The following MYO1E variants were observed in gnomAD, a reference collection of about 807,000 sequenced individuals.
MYO1E encodes myosin IE.
MYO1E carries 68 observed loss-of-function variants against 151.1 expected under a neutral mutation model. That is an observed-to-expected ratio of 0.45 (90% CI 0.37 to 0.55). The LOEUF (loss-of-function observed/expected upper bound fraction) is 0.55, where lower values mean the gene tolerates loss of function less well. Ranked by LOEUF, MYO1E falls within the 20% of genes least tolerant of loss-of-function variation. MYO1E has a pLI of 0.00. For missense variants in MYO1E, 1,363 were observed against 1,389.3 expected, an observed-to-expected ratio of 0.98 and a Z score of 0.30; for synonymous variants, 601 against 501.7, an observed-to-expected ratio of 1.20 and a Z score of -2.64.
intron 7 of MYO1E, 121 bp downstream of exon 7, chr15:59,227,338 A>T (rs2079998221): frequency 2.5e-6 from 3 of 1,189,202 alleles, no homozygotes; most frequent in Non-Finnish European, 3.7e-6. Flanking sequence ...ATTGACTTGT[A>T]CATGGTATCA....
Position 59,210,321 on chromosome 15 carries a change from CAT to C in MYO1E, c.1362+191_1362+192del, listed in dbSNP as rs113418934. On this transcript the variant is annotated intron_variant, in intron 13 of 27. Coordinates refer to ENST00000288235, the MANE Select transcript of MYO1E (RefSeq NM_004998.4). The stretch of plus-strand genomic sequence containing the variant: ...TACATTGACATTTTACTCATATCCA[CAT>C]GTTCATATTTACTGCCAGAATAAAG... 0.098 allele frequency among the ~76,000 whole-genome samples: 14,881 copies of C among 152,138 alleles called. 993 individuals are homozygous for C. The highest frequency in any genetic ancestry group is 0.19 in the African/African-American group (7,991 of 41,464).
At chr15:59,343,118 T>C (rs2080774957) in intron 1 of MYO1E, among the ~76,000 whole-genome samples, 1 of 152,242 alleles carries the variant, frequency 6.6e-6, no homozygotes, top group Non-Finnish European at 1.5e-5. Flanking sequence ...TACCTTCAGA[T>C]GATTTCTCAT....
intron 14 of MYO1E, among the ~76,000 whole-genome samples, chr15:59,206,357 C>T (rs1336048431): frequency 1.3e-5 from 2 of 152,212 alleles, no homozygotes; most frequent in East Asian, 1.9e-4. Flanking sequence ...CAGCCGGCCC[C>T]TACCCTGCTG....
chr15:59,226,352 G>A (rs79025539), intron 7 of MYO1E, among the ~76,000 whole-genome samples: 1 of 152,012 alleles, frequency 6.6e-6, no homozygotes, highest in Non-Finnish European at 1.5e-5. Flanking sequence ...AACTAAACAC[G>A]AAATGAAACA....
chr15:59,234,164 G>C (rs1310625067), intron 5 of MYO1E, among the ~76,000 whole-genome samples: 4 of 151,918 alleles, frequency 2.6e-5, no homozygotes, highest in African/African-American at 9.7e-5. Context: ...TCTTTTCCCT[G>C]ATATGCTCAC....
At chr15:59,210,792 G>A (rs545525218) in intron 12 of MYO1E, among the ~76,000 whole-genome samples, 192 bp from the exon 13 acceptor site, 26 of 152,290 alleles carry the variant, frequency 1.7e-4, no homozygotes, top group African/African-American at 5.8e-4. Context: ...TGATTTTTAT[G>A]TTTAGTTTGA....
At chr15:59,364,804 T>A (rs972823740) in intron 1 of MYO1E, among the ~76,000 whole-genome samples, 1 of 151,596 alleles carries the variant, frequency 6.6e-6, no homozygotes, top group Non-Finnish European at 1.5e-5. Flanking sequence ...ACTCAGGAGG[T>A]TGAGGCAGGA....
At chr15:59,168,937 A>G (rs2079576676) in intron 22 of MYO1E, among the ~76,000 whole-genome samples, 1 of 152,184 alleles carries the variant, frequency 6.6e-6, no homozygotes, top group Non-Finnish European at 1.5e-5. Flanking sequence ...TTCATGCTCA[A>G]ATGTTTCAGT....
intron 1 of MYO1E, among the ~76,000 whole-genome samples, chr15:59,343,425 C>T (rs139876693): frequency 0.013 from 2,025 of 152,020 alleles, 45 homozygotes; most frequent in African/African-American, 0.045. Flanking sequence ...TCTGTTACTG[C>T]TTTTAGGATC....
intron 6 of MYO1E, 136 bp downstream of exon 6, chr15:59,231,566 A>G: frequency 1.1e-6 from 1 of 950,672 alleles, no homozygotes; most frequent in Middle Eastern, 2.1e-4. Flanking sequence ...TGCTATAGAA[A>G]ATGAAGGAAA....
At chr15:59,207,228 A>G in intron 14 of MYO1E, 1 of 1,614,160 alleles carries the variant, frequency 6.2e-7, no homozygotes, top group Non-Finnish European at 8.5e-7. Context: ...TGAGTGATGA[A>G]CTTGCCCTTG....
chr15:59,134,143 T>C lies in MYO1E; in HGVS notation c.*3237A>G, dbSNP rs1197106279. 6.6e-6 allele frequency: 1 copy of C among 152,316 alleles called. No individual in the cohort carries two copies. Among genetic ancestry groups the C allele is most frequent in the Non-Finnish European group, 1.5e-5 (1 of 68,122 alleles). 9.4% of individuals were successfully genotyped at this position (152,316 alleles called of 1,614,324 possible). A position where few individuals can be genotyped will look rare whatever the true frequency, so the allele number is the denominator to read the frequency against. ...GCCAGCAGAATATTGGTGGACATGG[T>C]GTGCACACAGGGCAGGTCCTTTAAG... On this transcript the variant is annotated 3_prime_UTR_variant, in exon 28 of 28. Coordinates refer to ENST00000288235, the MANE Select transcript of MYO1E (RefSeq NM_004998.4).
intron 1 of MYO1E, among the ~76,000 whole-genome samples, chr15:59,280,199 T>G (rs577876384): frequency 1.1e-4 from 17 of 152,248 alleles, no homozygotes; most frequent in African/African-American, 3.1e-4. Context: ...CTGCCTGAAA[T>G]GTCAATCTCA....
chr15:59,224,147 G>A (rs1278480863), intron 8 of MYO1E, among the ~76,000 whole-genome samples: 1 of 152,194 alleles, frequency 6.6e-6, no homozygotes, highest in African/African-American at 2.4e-5. Flanking sequence ...CCCCCAGGAT[G>A]GAACCCCTCC....
intron 1 of MYO1E, among the ~76,000 whole-genome samples, chr15:59,300,624 G>A (rs1427312384): frequency 6.6e-6 from 1 of 152,114 alleles, no homozygotes. Flanking sequence ...CTGAACGCTG[G>A]TGCACTGATC....
chr15:59,199,992 C>A (rs1249455834), intron 16 of MYO1E, among the ~76,000 whole-genome samples: 2 of 152,192 alleles, frequency 1.3e-5, no homozygotes, highest in Non-Finnish European at 2.9e-5. Flanking sequence ...ATGCTGTACT[C>A]TCTTTAGGTA....
At chr15:59,255,020 T>C (rs575084555) in intron 4 of MYO1E, among the ~76,000 whole-genome samples, 1 of 152,144 alleles carries the variant, frequency 6.6e-6, no homozygotes, top group Non-Finnish European at 1.5e-5. Context: ...GAGACAGGGT[T>C]TCCCCATGTT....
At chr15:59,250,225 T>C (rs928611511) in intron 4 of MYO1E, among the ~76,000 whole-genome samples, 1 of 152,154 alleles carries the variant, frequency 6.6e-6, no homozygotes, top group Non-Finnish European at 1.5e-5. Flanking sequence ...AGTCTGACGA[T>C]ATGATTTATG....
chr15:59,301,975 C>G (rs958893157), intron 1 of MYO1E, among the ~76,000 whole-genome samples: 8 of 151,890 alleles, frequency 5.3e-5, no homozygotes, highest in African/African-American at 1.9e-4. Flanking sequence ...TTACCTTCCC[C>G]TGCCCTCAAA....
Sources: gnomAD v4.1 joint callset for allele counts (sites outside exome capture counted in the v4.1 genomes callset) on GRCh38, gnomAD v4.1.1 for gene constraint, MANE v1.5 for transcripts, NCBI Gene and HGNC (gene_info 2026-07-23, HGNC 2026-07-21) for gene names.